Variants in HSDL2 observed in about 807,000 individuals in gnomAD.
HSDL2 encodes the protein hydroxysteroid dehydrogenase-like protein 2.
In HSDL2, 27 loss-of-function variants were observed where a neutral mutation model predicts 46.3. The observed-to-expected ratio is 0.58, with a 90% CI of 0.43 to 0.80. HSDL2 has a LOEUF of 0.80. HSDL2 is among the 30% of genes least tolerant of loss of function. HSDL2 has a pLI of 0.00. For missense variants in HSDL2, 451 were observed against 502.7 expected (o/e 0.90, Z 0.98); for synonymous variants, 153 against 163.6 (o/e 0.94, Z 0.50).
At position 112,380,190 on chromosome 9, in the gene HSDL2, T is replaced by G; in HGVS notation, c.17+10T>G. The G allele has an allele frequency of 1.3e-6, 2 of 1,560,974 alleles. No homozygotes were observed. Among genetic ancestry groups the G allele is most frequent in the East Asian group, 2.4e-5 (1 of 41,658 alleles). On this transcript the variant is annotated intron_variant, in intron 1 of 10. Coordinates refer to ENST00000398805, the MANE Select transcript of HSDL2 (RefSeq NM_032303.5). Reference sequence around the variant, plus strand: ...TGTTACCCAACACCGGGTAAGGGGGTAGGGGCGGCGCGGGGAGAGACCCTG... The same window carrying G: ...TGTTACCCAACACCGGGTAAGGGGGGAGGGGCGGCGCGGGGAGAGACCCTG...
At chr9:112,457,331 G>A (rs1833061666) in intron 9 of HSDL2, among the ~76,000 whole-genome samples, 1 of 152,194 alleles carries the variant, frequency 6.6e-6, no homozygotes, top group Non-Finnish European at 1.5e-5. Context: ...GTTTGACAGT[G>A]AAGGAGCTGA....
At chr9:112,455,939 C>A (rs1022554890) in intron 9 of HSDL2, among the ~76,000 whole-genome samples, 1 of 152,170 alleles carries the variant, frequency 6.6e-6, no homozygotes, top group Non-Finnish European at 1.5e-5. Context: ...AATGTCTATA[C>A]CAAGTACCTG....
At chr9:112,457,070 C>A (rs764491019) in intron 9 of HSDL2, among the ~76,000 whole-genome samples, 2 of 152,070 alleles carry the variant, frequency 1.3e-5, no homozygotes, top group Non-Finnish European at 2.9e-5. Flanking sequence ...ATCGCTTGAA[C>A]CCCGGAGGCG....
At chr9:112,428,888 A>G (rs1047925921) in intron 6 of HSDL2, among the ~76,000 whole-genome samples, 2 of 152,072 alleles carry the variant, frequency 1.3e-5, no homozygotes, top group Non-Finnish European at 2.9e-5. Flanking sequence ...TACCTCCCTT[A>G]TGTTACTTGT....
At chr9:112,459,904 A>AC (rs1166097517) in intron 10 of HSDL2, among the ~76,000 whole-genome samples, 1 of 152,212 alleles carries the variant, frequency 6.6e-6, no homozygotes, top group Non-Finnish European at 1.5e-5. Flanking sequence ...CACCCCAGTC[A>AC]CTAGAGGCAC....
At chr9:112,457,778 C>A (rs1833075896) in intron 9 of HSDL2, among the ~76,000 whole-genome samples, 2 of 152,202 alleles carry the variant, frequency 1.3e-5, no homozygotes, top group Admixed American at 6.5e-5. Flanking sequence ...TATGCAGTTA[C>A]CTAGTCTTAT....
intron 1 of HSDL2, among the ~76,000 whole-genome samples, chr9:112,403,717 ATTCT>A (rs921730912): frequency 4.0e-4 from 61 of 152,256 alleles, no homozygotes; most frequent in Non-Finnish European, 6.3e-4. Context: ...TTGTTTTATA[ATTCT>A]TTATTTCTCT....
At chr9:112,409,112 G>A in intron 4 of HSDL2, 91 bp downstream of exon 4, 1 of 696,988 alleles carries the variant, frequency 1.4e-6, no homozygotes. Flanking sequence ...CAAATTAACA[G>A]TGTAGTTCAA....
chr9:112,389,828 G>A (rs550186465), intron 1 of HSDL2, among the ~76,000 whole-genome samples: 84 of 152,300 alleles, frequency 5.5e-4, no homozygotes, highest in African/African-American at 2.0e-3. Flanking sequence ...ACTTTGGGAA[G>A]CCGAGGCCGG....
chr9:112,402,956 A>AAAAC (rs1223131540), intron 1 of HSDL2, among the ~76,000 whole-genome samples: 1 of 151,674 alleles, frequency 6.6e-6, no homozygotes, highest in Non-Finnish European at 1.5e-5. Flanking sequence ...AAGAAAAAAA[A>AAAAC]ACACACACAC....
intron 4 of HSDL2, among the ~76,000 whole-genome samples, chr9:112,415,274 A>T (rs1182246196): frequency 6.6e-6 from 1 of 152,242 alleles, no homozygotes; most frequent in Admixed American, 6.5e-5. Flanking sequence ...TAGTAGAAGT[A>T]CTATGCCTAT....
chr9:112,382,524 C>T (rs1831121539), intron 1 of HSDL2, among the ~76,000 whole-genome samples: 1 of 152,178 alleles, frequency 6.6e-6, no homozygotes, highest in African/African-American at 2.4e-5. Flanking sequence ...CCCCAGAGGA[C>T]ATTTGGTAAT....
chr9:112,456,786 C>G (rs1393778727), intron 9 of HSDL2, among the ~76,000 whole-genome samples: 2 of 152,104 alleles, frequency 1.3e-5, no homozygotes, highest in East Asian at 3.9e-4. Context: ...TTGCAACCAC[C>G]CATGAAATCT....
intron 10 of HSDL2, among the ~76,000 whole-genome samples, chr9:112,465,664 T>C (rs969524399): frequency 6.6e-6 from 1 of 152,260 alleles, no homozygotes; most frequent in Non-Finnish European, 1.5e-5. Context: ...ATGTGACCTT[T>C]TGCATCTGAC....
chr9:112,390,983 C>G (rs1350247640), intron 1 of HSDL2, among the ~76,000 whole-genome samples: 1 of 151,958 alleles, frequency 6.6e-6, no homozygotes, highest in Non-Finnish European at 1.5e-5. Context: ...CAAGACCAGC[C>G]TGGCCAACAT....
At chr9:112,416,763 GC>G in intron 4 of HSDL2, 77 bp from the exon 5 acceptor site, 1 of 689,802 alleles carries the variant, frequency 1.4e-6, no homozygotes. Context: ...ACAGAGCAAG[GC>G]CCCCTCTCTT....
At chr9:112,390,939 G>A (rs1587927346) in intron 1 of HSDL2, among the ~76,000 whole-genome samples, 1 of 152,218 alleles carries the variant, frequency 6.6e-6, no homozygotes, top group Middle Eastern at 3.4e-3. Flanking sequence ...ACTTTGGGAG[G>A]CCAAGGTGGG....
At chr9:112,411,009 TAGA>T (rs752783835) in intron 4 of HSDL2, among the ~76,000 whole-genome samples, 28 of 152,332 alleles carry the variant, frequency 1.8e-4, no homozygotes, top group Admixed American at 2.6e-4. Flanking sequence ...CTTGAAATCT[TAGA>T]AGATCTGGCC....
intron 10 of HSDL2, among the ~76,000 whole-genome samples, chr9:112,465,650 C>G (rs1260001704): frequency 1.3e-5 from 2 of 152,170 alleles, no homozygotes; most frequent in Non-Finnish European, 2.9e-5. Flanking sequence ...TGGAATCATG[C>G]AATATGTGAC....
Sources: allele counts gnomAD v4.1 joint callset (sites outside exome capture counted in the v4.1 genomes callset), GRCh38; gene constraint gnomAD v4.1.1; transcripts MANE v1.5; gene names NCBI Gene and HGNC (gene_info 2026-07-23, HGNC 2026-07-21).